Variants in NXPE2 observed in about 807,000 individuals in gnomAD.
NXPE2 encodes neurexophilin and PC-esterase domain family member 2, also known as NXPE family member 2.
In NXPE2, 34 loss-of-function variants were observed where a neutral mutation model predicts 34.4. The observed-to-expected ratio is 0.99, with a 90% confidence interval of 0.75 to 1.31. NXPE2 has a LOEUF of 1.31. Among genes scored for constraint, NXPE2 ranks in the 40% most tolerant of loss-of-function variants. The probability of loss-of-function intolerance (pLI) is 0.00; values close to 1 mark genes in which losing one functional copy is unlikely to be tolerated. For missense variants in NXPE2, 649 were observed against 672.5 expected, an observed-to-expected ratio of 0.97 and a Z score of 0.39; for synonymous variants, 235 against 231.3, an observed-to-expected ratio of 1.02 and a Z score of -0.15.
chr11:114,634,699 A>G, the NXPE2 span, among the ~76,000 whole-genome samples: 2 of 152,068 alleles, frequency 1.3e-5, no homozygotes, highest in Non-Finnish European at 2.9e-5. Context: ...TGGTTTTCCC[A>G]GCACCATTTA....
chr11:114,720,141 T>C, the NXPE2 span, among the ~76,000 whole-genome samples: 2 of 152,318 alleles, frequency 1.3e-5, no homozygotes, highest in East Asian at 1.9e-4. Context: ...GCTGCTTCTG[T>C]AGTGTTCTGT....
At chr11:114,484,783 A>G in the NXPE2 span, among the ~76,000 whole-genome samples, 4 of 152,360 alleles carry the variant, frequency 2.6e-5, no homozygotes, top group Admixed American at 2.0e-4. Context: ...AATGAAATTT[A>G]TATCACTTTA....
chr11:114,630,839 C>A, the NXPE2 span, among the ~76,000 whole-genome samples: 2 of 151,670 alleles, frequency 1.3e-5, no homozygotes, highest in African/African-American at 4.9e-5. Context: ...AAAAAACAAA[C>A]AACCCCATCA....
the NXPE2 span, among the ~76,000 whole-genome samples, chr11:114,660,228 T>C: frequency 2.1e-4 from 32 of 152,102 alleles, no homozygotes; most frequent in South Asian, 6.0e-3. Context: ...TGACCAAATA[T>C]AAGGAATCAA....
At chr11:114,703,688 AGATAGATAGAT>A (rs201910006) in intron 3 of NXPE2, among the ~76,000 whole-genome samples, 4,030 of 24,538 alleles carry the variant, frequency 0.16, 65 homozygotes, top group East Asian at 0.35. Flanking sequence ...ATAGATAGAT[AGATAGATAGAT>A]GATAGATAGA....
the NXPE2 span, among the ~76,000 whole-genome samples, chr11:114,623,767 T>G: frequency 3.6e-4 from 55 of 152,156 alleles, no homozygotes; most frequent in African/African-American, 1.3e-3. Context: ...TAATACATGT[T>G]GCCTCGTGGG....
At chr11:114,712,749 T>A in the NXPE2 span, among the ~76,000 whole-genome samples, 1 of 152,138 alleles carries the variant, frequency 6.6e-6, no homozygotes, top group Admixed American at 6.6e-5. Context: ...TGCCATACAA[T>A]CCAACAATCC....
the NXPE2 span, among the ~76,000 whole-genome samples, chr11:114,511,262 G>A: frequency 2.0e-5 from 3 of 152,194 alleles, no homozygotes; most frequent in Non-Finnish European, 2.9e-5. Context: ...GGGGCTTCCC[G>A]GAAGCCTTGT....
the NXPE2 span, among the ~76,000 whole-genome samples, chr11:114,662,765 C>T: frequency 4.6e-5 from 7 of 152,140 alleles, no homozygotes; most frequent in African/African-American, 1.7e-4. Flanking sequence ...CAGGCCCTAG[C>T]TCCCGAGTGA....
At chr11:114,739,736 T>A in the NXPE2 span, among the ~76,000 whole-genome samples, 2 of 152,110 alleles carry the variant, frequency 1.3e-5, no homozygotes, top group African/African-American at 4.8e-5. Flanking sequence ...TCTCCCTATT[T>A]CCTCTGCTCC....
chr11:114,623,790 C>T, the NXPE2 span, among the ~76,000 whole-genome samples: 138 of 152,246 alleles, frequency 9.1e-4, no homozygotes, highest in African/African-American at 3.1e-3. Context: ...ACCACTCTTA[C>T]CCTATGGATA....
chr11:114,735,504 G>T, the NXPE2 span, among the ~76,000 whole-genome samples: 2 of 152,112 alleles, frequency 1.3e-5, no homozygotes, highest in Admixed American at 6.5e-5. Context: ...AAATGGGGGG[G>T]TTAAAATTAT....
the NXPE2 span, among the ~76,000 whole-genome samples, chr11:114,659,627 A>G: frequency 6.6e-6 from 1 of 152,162 alleles, no homozygotes; most frequent in Non-Finnish European, 1.5e-5. Context: ...TTTTAATGAA[A>G]TGAATATGAA....
the NXPE2 span, among the ~76,000 whole-genome samples, chr11:114,734,965 C>A: frequency 6.6e-6 from 1 of 152,092 alleles, no homozygotes; most frequent in Non-Finnish European, 1.5e-5. Context: ...AAAAAATTAG[C>A]CGGGCATGGT....
the NXPE2 span, among the ~76,000 whole-genome samples, chr11:114,715,960 G>T: frequency 6.6e-6 from 1 of 152,110 alleles, no homozygotes; most frequent in African/African-American, 2.4e-5. Context: ...GACTTTTCTT[G>T]GGTGATGCCC....
the NXPE2 span, among the ~76,000 whole-genome samples, chr11:114,811,050 C>G: frequency 6.6e-6 from 1 of 151,964 alleles, no homozygotes; most frequent in Admixed American, 6.6e-5. Context: ...ATGGATGAAA[C>G]TGGAAACCAT....
the NXPE2 span, among the ~76,000 whole-genome samples, chr11:114,597,091 GA>G: frequency 7.9e-6 from 1 of 126,156 alleles, no homozygotes; most frequent in African/African-American, 3.2e-5. Context: ...TACCATGTGT[GA>G]ATTGGGATAA....
chr11:114,630,354 T>G, the NXPE2 span, among the ~76,000 whole-genome samples: 2 of 151,668 alleles, frequency 1.3e-5, no homozygotes, highest in African/African-American at 4.9e-5. Flanking sequence ...AACATAGCCC[T>G]CAGAAATAAC....
chr11:114,630,134 C>G, the NXPE2 span, among the ~76,000 whole-genome samples: 1 of 151,754 alleles, frequency 6.6e-6, no homozygotes. Context: ...ACCCATCAAG[C>G]TACCAATGAC....
Sources: allele counts gnomAD v4.1 joint callset (sites outside exome capture counted in the v4.1 genomes callset), GRCh38; gene constraint gnomAD v4.1.1; transcripts MANE v1.5; gene names NCBI Gene and HGNC (gene_info 2026-07-23, HGNC 2026-07-21).